Variants in SLC39A11 observed in about 807,000 individuals in gnomAD.
The protein encoded by SLC39A11 is solute carrier family 39 member 11.
SLC39A11 carries 33 observed loss-of-function variants against 36.1 expected under a neutral mutation model. The ratio of observed to expected loss-of-function variants is 0.91; its 90% CI spans 0.69 to 1.22. The LOEUF (loss-of-function observed/expected upper bound fraction) is 1.22. SLC39A11 is among the 50% of genes most tolerant of loss of function. The probability of loss-of-function intolerance (pLI) is 0.00; values close to 1 mark genes in which losing one functional copy is unlikely to be tolerated. For synonymous variants in SLC39A11, 166 were observed against 170.3 expected (o/e 0.97, Z 0.20); for missense variants, 432 against 430.3 (o/e 1.00, Z -0.03).
intron 5 of SLC39A11, among the ~76,000 whole-genome samples, chr17:72,871,405 G>A (rs375417511): frequency 1.1e-4 from 17 of 152,158 alleles, no homozygotes; most frequent in East Asian, 1.9e-4. Context: ...ACATGTGTGC[G>A]GTGCCTTTTG....
intron 6 of SLC39A11, among the ~76,000 whole-genome samples, chr17:72,804,222 T>C (rs370377526): frequency 1.7e-4 from 26 of 152,272 alleles, no homozygotes; most frequent in African/African-American, 6.0e-4. Context: ...GTAAACACTA[T>C]CTTGATGCAT....
intron 3 of SLC39A11, among the ~76,000 whole-genome samples, chr17:73,073,191 A>G (rs551057108): frequency 6.6e-6 from 1 of 152,138 alleles, no homozygotes; most frequent in African/African-American, 2.4e-5. Context: ...AAAATAAAAT[A>G]AAATAAAATG....
chr17:72,729,595 GCCAAT>G (rs1329241124), intron 7 of SLC39A11, among the ~76,000 whole-genome samples: 1 of 147,342 alleles, frequency 6.8e-6, no homozygotes, highest in Non-Finnish European at 1.5e-5. Flanking sequence ...ACTGCAACCA[GCCAAT>G]CCAATCCTTT....
intron 3 of SLC39A11, among the ~76,000 whole-genome samples, chr17:73,053,419 A>G (rs2059572820): frequency 6.6e-6 from 1 of 152,184 alleles, no homozygotes; most frequent in Non-Finnish European, 1.5e-5. Flanking sequence ...ACTTACATCA[A>G]ACCCAAACAG....
At chr17:72,815,896 G>A (rs931788812) in intron 6 of SLC39A11, among the ~76,000 whole-genome samples, 3 of 152,228 alleles carry the variant, frequency 2.0e-5, no homozygotes, top group Non-Finnish European at 4.4e-5. Flanking sequence ...ACTCCAGCCT[G>A]AGCAACAGAG....
intron 2 of SLC39A11, among the ~76,000 whole-genome samples, chr17:73,086,544 G>T (rs1366898518): frequency 6.6e-6 from 1 of 152,168 alleles, no homozygotes; most frequent in African/African-American, 2.4e-5. Flanking sequence ...ACTCAGCTGG[G>T]CATGATGGTG....
intron 4 of SLC39A11, among the ~76,000 whole-genome samples, chr17:73,000,440 G>A (rs956151960): frequency 7.9e-5 from 12 of 152,086 alleles, no homozygotes; most frequent in African/African-American, 2.4e-4. Context: ...TTATGTTCCC[G>A]ACAAGGATAT....
At chr17:72,945,059 GGA>G (rs2085348115) in intron 5 of SLC39A11, among the ~76,000 whole-genome samples, 1 of 151,966 alleles carries the variant, frequency 6.6e-6, no homozygotes, top group African/African-American at 2.4e-5. Flanking sequence ...ATGGATGGAT[GGA>G]TGGATGGATG....
At chr17:73,079,525 C>G (rs2060445380) in intron 3 of SLC39A11, among the ~76,000 whole-genome samples, 1 of 152,048 alleles carries the variant, frequency 6.6e-6, no homozygotes, top group Non-Finnish European at 1.5e-5. Flanking sequence ...CAGGACAAAC[C>G]CACAACCAAC....
intron 6 of SLC39A11, among the ~76,000 whole-genome samples, chr17:72,781,205 C>T (rs1181751440): frequency 6.6e-6 from 1 of 152,108 alleles, no homozygotes; most frequent in African/African-American, 2.4e-5. Context: ...CAACAGGTGT[C>T]TCTCAGGGTC....
At chr17:72,903,931 A>G (rs1050703005) in intron 5 of SLC39A11, among the ~76,000 whole-genome samples, 1 of 152,116 alleles carries the variant, frequency 6.6e-6, no homozygotes, top group Admixed American at 6.6e-5. Context: ...GGCAGGAAAA[A>G]AAGTCTGCAC....
intron 6 of SLC39A11, among the ~76,000 whole-genome samples, chr17:72,827,582 A>G (rs1416909878): frequency 3.3e-5 from 5 of 152,178 alleles, no homozygotes; most frequent in Non-Finnish European, 1.5e-5. Context: ...CCACTCCTCT[A>G]CCCCAGGTGG....
chr17:73,079,283 G>A (rs1235884719), intron 3 of SLC39A11, among the ~76,000 whole-genome samples: 1 of 152,056 alleles, frequency 6.6e-6, no homozygotes, highest in Non-Finnish European at 1.5e-5. Context: ...TTTTAGCAGA[G>A]ACGGGGTTTC....
chr17:72,742,738 T>C (rs772615857), intron 6 of SLC39A11, among the ~76,000 whole-genome samples: 2 of 152,216 alleles, frequency 1.3e-5, no homozygotes, highest in Non-Finnish European at 2.9e-5. Flanking sequence ...GAGCATCATC[T>C]TTCCTTTCCA....
chr17:72,764,851 T>A (rs2075710051), intron 6 of SLC39A11, among the ~76,000 whole-genome samples: 1 of 152,068 alleles, frequency 6.6e-6, no homozygotes, highest in Non-Finnish European at 1.5e-5. Flanking sequence ...AAGTCATCCA[T>A]CCAGTGATGG....
At chr17:72,920,639 A>T (rs2083605118) in intron 5 of SLC39A11, among the ~76,000 whole-genome samples, 1 of 104,486 alleles carries the variant, frequency 9.6e-6, no homozygotes, top group African/African-American at 4.0e-5. Flanking sequence ...CACACCTCCT[A>T]CCCCCTTACA....
intron 6 of SLC39A11, among the ~76,000 whole-genome samples, chr17:72,845,189 A>C (rs1372262061): frequency 6.6e-6 from 1 of 152,212 alleles, no homozygotes; most frequent in Non-Finnish European, 1.5e-5. Flanking sequence ...TCAAAGCTCA[A>C]GTCAAGTCAT....
intron 7 of SLC39A11, among the ~76,000 whole-genome samples, chr17:72,700,623 G>A (rs1226085702): frequency 6.6e-6 from 1 of 152,206 alleles, no homozygotes; most frequent in Non-Finnish European, 1.5e-5. Context: ...TAAGACAGAG[G>A]TGGGGCTGTG....
At chr17:72,739,046 A>AATTTTACC (rs1341699849) in intron 6 of SLC39A11, among the ~76,000 whole-genome samples, 2 of 151,922 alleles carry the variant, frequency 1.3e-5, no homozygotes, top group Admixed American at 6.6e-5. Flanking sequence ...TTTTTTGCCT[A>AATTTTACC]ATTTTACCTT....
Sources: allele counts gnomAD v4.1 joint callset (sites outside exome capture counted in the v4.1 genomes callset), GRCh38; gene constraint gnomAD v4.1.1; transcripts MANE v1.5; gene names NCBI Gene and HGNC (gene_info 2026-07-23, HGNC 2026-07-21).